The following EYS variants were observed in gnomAD, a reference collection of about 807,000 sequenced individuals.
The protein encoded by EYS is EGF-like photoreceptor maintenance factor.
Under a neutral mutation model 282.1 loss-of-function variants are expected in EYS, and 250 were observed. The ratio of observed to expected loss-of-function variants is 0.89; its 90% CI spans 0.80 to 0.98. The LOEUF is 0.98. EYS is among the 50% of genes least tolerant of loss of function. EYS has a pLI of 0.00. For synonymous variants in EYS, 1,355 were observed against 1,282.9 expected (o/e 1.06, Z -1.20); for missense variants, 4,016 against 3,709.0 (o/e 1.08, Z -2.15).
At chr6:65,154,969 G>A (rs578133770) in intron 12 of EYS, among the ~76,000 whole-genome samples, 53 of 151,636 alleles carry the variant, frequency 3.5e-4, no homozygotes, top group African/African-American at 1.1e-3. Context: ...AATGCCATAA[G>A]TTAATTGACA....
chr6:63,786,744 T>C (rs1439166071), intron 39 of EYS, among the ~76,000 whole-genome samples: 2 of 152,118 alleles, frequency 1.3e-5, no homozygotes, highest in South Asian at 2.1e-4. Context: ...CTTCCAAATC[T>C]GGGAGGCTTG....
At chr6:64,884,343 T>C (rs1562242024) in intron 19 of EYS, among the ~76,000 whole-genome samples, 2 of 151,518 alleles carry the variant, frequency 1.3e-5, no homozygotes. Flanking sequence ...GGAGCAAAGC[T>C]AGAGTAGAAA....
At chr6:64,480,680 G>A (rs1309037118) in intron 26 of EYS, among the ~76,000 whole-genome samples, 1 of 151,734 alleles carries the variant, frequency 6.6e-6, no homozygotes, top group Non-Finnish European at 1.5e-5. Context: ...AGCAGTAAAC[G>A]TTATAAATCT....
At chr6:64,902,243 A>G in intron 17 of EYS, 23 bp from the exon 18 acceptor site, 1 of 1,478,088 alleles carries the variant, frequency 6.8e-7, no homozygotes, top group South Asian at 1.2e-5. Context: ...AAATTTAGTA[A>G]CTCCATTAGT....
intron 30 of EYS, among the ~76,000 whole-genome samples, chr6:64,276,269 A>G (rs928101028): frequency 2.0e-5 from 3 of 152,202 alleles, no homozygotes; most frequent in Non-Finnish European, 4.4e-5. Flanking sequence ...CCCTTGAAAG[A>G]TACCTTCTAT....
At chr6:64,616,980 G>A (rs915496940) in intron 24 of EYS, among the ~76,000 whole-genome samples, 1 of 152,040 alleles carries the variant, frequency 6.6e-6, no homozygotes, top group Non-Finnish European at 1.5e-5. Flanking sequence ...GTTCAGGCCA[G>A]TTCAAACTTG....
At chr6:65,282,332 G>A (rs548937820) in intron 12 of EYS, among the ~76,000 whole-genome samples, 1 of 151,716 alleles carries the variant, frequency 6.6e-6, no homozygotes, top group Non-Finnish European at 1.5e-5. Context: ...ACATTGCTTT[G>A]TACATCATAC....
intron 12 of EYS, among the ~76,000 whole-genome samples, chr6:65,278,459 A>C (rs1054080925): frequency 6.7e-6 from 1 of 149,742 alleles, no homozygotes; most frequent in Admixed American, 6.7e-5. Context: ...GCTCATATCT[A>C]TATATTACAT....
intron 12 of EYS, among the ~76,000 whole-genome samples, chr6:65,192,705 A>G (rs1203135827): frequency 6.6e-6 from 1 of 151,798 alleles, no homozygotes; most frequent in East Asian, 1.9e-4. Context: ...CCTTTATGAG[A>G]TGACTAGGTC....
chr6:63,944,344 A>C (rs544988834), intron 35 of EYS, among the ~76,000 whole-genome samples: 1 of 152,358 alleles, frequency 6.6e-6, no homozygotes, highest in African/African-American at 2.4e-5. Flanking sequence ...GCCTTAATGT[A>C]TCTCAAACAT....
intron 35 of EYS, among the ~76,000 whole-genome samples, chr6:63,882,065 C>T (rs944257309): frequency 5.9e-5 from 9 of 152,172 alleles, no homozygotes; most frequent in African/African-American, 1.9e-4. Context: ...ATTGAAAAAA[C>T]CTGCAGCTAC....
Position 63,720,642 on chromosome 6 carries a change from T to C in EYS, c.9389A>G (p.Glu3130Gly). The change falls in exon 43 of 43, where the codon GAA becomes GGA. Residue 3130 changes from glutamate (E) to glycine (G), a missense_variant. Physicochemically the swap from Glu to Gly is moderately conservative, Grantham distance 98. Transcript: ENST00000503581. ...EPKNIELIKL[E>G]GYNVYDGDEQ... ...ATCTCCATCATAAACATTGTATCCT[T>C]CTAATTTAATTAGTTCAATGTTTTT... The C allele has an allele frequency of 6.5e-7, 1 of 1,527,414 alleles. No homozygotes were observed. The highest frequency in any genetic ancestry group is 1.3e-5 in the South Asian group (1 of 78,938). The allele number at this position is 1,527,414 out of a possible 1,614,324, so 94.6% of individuals were successfully genotyped here.
rs955367647 is a variant in EYS at position 65,341,023 on chromosome 6, T to TA, written c.1599+3014dup. ...TCATGTTTCTGTTGTTTCTTAAGAA[T>TA]AAAAAAAATTCGAATATATACAAAT... On this transcript the variant is annotated intron_variant, in intron 10 of 42. Coordinates refer to ENST00000503581, the MANE Select transcript of EYS (RefSeq NM_001142800.2). 3.3e-5 allele frequency among the ~76,000 whole-genome samples: 5 copies of TA among 150,846 alleles called. No homozygotes were observed. In the South Asian group the frequency reaches 8.3e-4, roughly 25 times the overall value.
chr6:64,432,857 C>A (rs1379150628), intron 28 of EYS, among the ~76,000 whole-genome samples: 1 of 151,972 alleles, frequency 6.6e-6, no homozygotes, highest in Admixed American at 6.6e-5. Flanking sequence ...TGCTTTGTCC[C>A]ATTTTGACTG....
At chr6:65,330,993 T>G (rs1041345170) in intron 11 of EYS, 1 of 984,366 alleles carries the variant, frequency 1.0e-6, no homozygotes, top group African/African-American at 1.7e-5. Flanking sequence ...ATACTCGGGT[T>G]GTTGTCAGAG....
Position 64,478,483 on chromosome 6 carries a change from C to T in EYS, c.5645-39131G>A, listed in dbSNP as rs1164590733. On this transcript the variant is annotated intron_variant, in intron 26 of 42. Transcript: ENST00000503581. Reference sequence around the variant, plus strand: ...TCTGCAAAAGGAAATACATTATTGCCAGTATTTGTCATAATTTTTTCATAA... The same window carrying T: ...TCTGCAAAAGGAAATACATTATTGCTAGTATTTGTCATAATTTTTTCATAA... 3.3e-5 allele frequency among the ~76,000 whole-genome samples: 5 copies of T among 150,942 alleles called. No homozygotes were observed. In the East Asian group the frequency reaches 9.7e-4, roughly 29 times the overall value.
intron 35 of EYS, among the ~76,000 whole-genome samples, chr6:63,914,598 C>T (rs1170518016): frequency 6.6e-6 from 1 of 152,002 alleles, no homozygotes; most frequent in Non-Finnish European, 1.5e-5. Context: ...ATCCCAGCTA[C>T]TCAGGAGGCT....
chr6:64,395,642 G>A (rs1773338362), intron 28 of EYS, among the ~76,000 whole-genome samples: 1 of 130,954 alleles, frequency 7.6e-6, no homozygotes, highest in South Asian at 2.7e-4. Context: ...TCGGGTTGGG[G>A]GGAGGGGGGA....
At chr6:64,644,408 AC>A (rs1768280524) in intron 22 of EYS, among the ~76,000 whole-genome samples, 1 of 152,182 alleles carries the variant, frequency 6.6e-6, no homozygotes, top group African/African-American at 2.4e-5. Flanking sequence ...GAGGGTAAGA[AC>A]CAAGAGTAAG....
Sources: gnomAD v4.1 joint callset for allele counts (sites outside exome capture counted in the v4.1 genomes callset) on GRCh38, gnomAD v4.1.1 for gene constraint, MANE v1.5 for transcripts, NCBI Gene and HGNC (gene_info 2026-07-23, HGNC 2026-07-21) for gene names.